SNTG1: variants seen among roughly 807,000 people sequenced by gnomAD.
SNTG1 encodes the protein syntrophin gamma 1, also known as gamma-1-syntrophin.
SNTG1 carries 39 observed loss-of-function variants against 74.7 expected under a neutral mutation model. That is an observed-to-expected ratio of 0.52 (90% CI 0.40 to 0.68). The LOEUF is 0.68. Ranked by LOEUF, SNTG1 falls within the 30% of genes least tolerant of loss-of-function variation. The pLI, the probability that SNTG1 is intolerant of heterozygous loss-of-function variation, is 0.00. For missense variants in SNTG1, 685 were observed against 609.5 expected (o/e 1.12, Z -1.30); for synonymous variants, 254 against 217.1 (o/e 1.17, Z -1.49).
chr8:49,953,115 A>G (rs1284769180), intron 1 of SNTG1, among the ~76,000 whole-genome samples: 1 of 152,206 alleles, frequency 6.6e-6, no homozygotes, highest in Non-Finnish European at 1.5e-5. Flanking sequence ...AATTAATGAG[A>G]TCATCAAGAG....
intron 1 of SNTG1, among the ~76,000 whole-genome samples, chr8:50,044,512 A>C (rs1258549474): frequency 1.3e-5 from 2 of 152,178 alleles, no homozygotes; most frequent in African/African-American, 4.8e-5. Flanking sequence ...ATCATTCTCT[A>C]CTGGGGCATA....
intron 18 of SNTG1, among the ~76,000 whole-genome samples, chr8:50,779,966 G>C (rs2095653876): frequency 1.3e-5 from 2 of 151,932 alleles, no homozygotes; most frequent in Non-Finnish European, 2.9e-5. Context: ...ATAATCATGT[G>C]GTTTTTGTCT....
intron 1 of SNTG1, among the ~76,000 whole-genome samples, chr8:50,146,752 T>A (rs1165792676): frequency 6.6e-6 from 1 of 152,198 alleles, no homozygotes; most frequent in African/African-American, 2.4e-5. Context: ...CTAAAAATTA[T>A]GTAGTGGCCT....
intron 13 of SNTG1, among the ~76,000 whole-genome samples, chr8:50,648,332 G>T (rs2095123469): frequency 6.6e-6 from 1 of 152,122 alleles, no homozygotes; most frequent in South Asian, 2.1e-4. Flanking sequence ...AAACTCAAAT[G>T]TCATAGTCTT....
chr8:50,341,373 T>C (rs1359430693), intron 2 of SNTG1, among the ~76,000 whole-genome samples: 1 of 151,960 alleles, frequency 6.6e-6, no homozygotes, highest in African/African-American at 2.4e-5. Flanking sequence ...TTTTCCCCCA[T>C]CTGCATAATC....
At chr8:50,274,443 G>A (rs2087976639) in intron 2 of SNTG1, among the ~76,000 whole-genome samples, 1 of 151,678 alleles carries the variant, frequency 6.6e-6, no homozygotes, top group Admixed American at 6.6e-5. Context: ...AGTATTTTTT[G>A]TCTATTATTG....
At chr8:50,363,775 T>C (rs1413440108) in intron 2 of SNTG1, among the ~76,000 whole-genome samples, 1 of 152,206 alleles carries the variant, frequency 6.6e-6, no homozygotes, top group Admixed American at 6.5e-5. Context: ...CAACTGTCTC[T>C]GGATACAATT....
chr8:50,421,517 A>G (rs966101579), intron 4 of SNTG1, among the ~76,000 whole-genome samples: 18 of 152,092 alleles, frequency 1.2e-4, no homozygotes, highest in African/African-American at 4.3e-4. Context: ...ATTGCAACCT[A>G]TTCCATCAGC....
intron 1 of SNTG1, among the ~76,000 whole-genome samples, chr8:50,023,298 G>A (rs1410740820): frequency 6.6e-6 from 1 of 152,172 alleles, no homozygotes; most frequent in Non-Finnish European, 1.5e-5. Flanking sequence ...TTCTCCAGAA[G>A]AGCACATTGG....
intron 17 of SNTG1, among the ~76,000 whole-genome samples, chr8:50,711,614 G>C (rs2095461834): frequency 6.6e-6 from 1 of 152,110 alleles, no homozygotes; most frequent in African/African-American, 2.4e-5. Context: ...TAAACGTTTG[G>C]ATATAGAGGG....
intron 6 of SNTG1, 25 bp from the exon 7 acceptor site, chr8:50,450,531 A>G (rs2093446221): frequency 1.2e-6 from 2 of 1,612,234 alleles, no homozygotes; most frequent in Non-Finnish European, 1.7e-6. Flanking sequence ...TCAATGCATT[A>G]TCAATTGTGC....
chr8:50,369,835 C>G (rs2131140318), intron 2 of SNTG1, among the ~76,000 whole-genome samples: 2 of 152,266 alleles, frequency 1.3e-5, no homozygotes, highest in African/African-American at 4.8e-5. Flanking sequence ...GACTCGATGC[C>G]AAGTGTCATT....
chr8:50,241,650 C>T (rs763706315), intron 2 of SNTG1, among the ~76,000 whole-genome samples: 3 of 151,860 alleles, frequency 2.0e-5, no homozygotes, highest in Admixed American at 1.3e-4. Context: ...TTACTTTTGG[C>T]GAAGAGAAGA....
chr8:50,671,914 AATC>A (rs1448697686), intron 15 of SNTG1, among the ~76,000 whole-genome samples: 3 of 151,588 alleles, frequency 2.0e-5, no homozygotes, highest in African/African-American at 4.8e-5. Context: ...TGAAATTGGA[AATC>A]ATCATTCTCA....
intron 1 of SNTG1, among the ~76,000 whole-genome samples, chr8:50,015,190 T>C (rs1380309771): frequency 1.3e-5 from 2 of 151,882 alleles, no homozygotes; most frequent in African/African-American, 4.8e-5. Flanking sequence ...AAGAAAGAGA[T>C]CAAAATAATA....
At chr8:50,130,653 C>T (rs974163336) in intron 1 of SNTG1, among the ~76,000 whole-genome samples, 1 of 151,798 alleles carries the variant, frequency 6.6e-6, no homozygotes, top group South Asian at 2.1e-4. Context: ...TTGAAATTTG[C>T]GTTAAAAGAT....
At chr8:50,205,952 G>C (rs1335972222) in intron 2 of SNTG1, among the ~76,000 whole-genome samples, 1 of 152,146 alleles carries the variant, frequency 6.6e-6, no homozygotes, top group Non-Finnish European at 1.5e-5. Flanking sequence ...CCAGTACCAT[G>C]CTGTTTTGGT....
intron 2 of SNTG1, among the ~76,000 whole-genome samples, chr8:50,372,687 T>C (rs183214888): frequency 7.9e-5 from 12 of 152,276 alleles, no homozygotes; most frequent in Non-Finnish European, 1.8e-4. Context: ...TGACATTATG[T>C]AACAGGATGG....
chr8:50,249,252 C>T (rs746732387), intron 2 of SNTG1, among the ~76,000 whole-genome samples: 16 of 152,204 alleles, frequency 1.1e-4, no homozygotes. Flanking sequence ...ATCCCCAGGG[C>T]AGGAGTCCTC....
Sources: gnomAD v4.1 joint callset for allele counts (sites outside exome capture counted in the v4.1 genomes callset) on GRCh38, gnomAD v4.1.1 for gene constraint, MANE v1.5 for transcripts, NCBI Gene and HGNC (gene_info 2026-07-23, HGNC 2026-07-21) for gene names.